Variants in FSIP1 observed in about 807,000 individuals in gnomAD.
The protein encoded by FSIP1 is fibrous sheath interacting protein 1.
Under a neutral mutation model 60.9 loss-of-function variants are expected in FSIP1, and 65 were observed. That is an observed-to-expected ratio of 1.07 (90% confidence interval 0.87 to 1.31). The LOEUF is 1.31. FSIP1 is among the 40% of genes most tolerant of loss of function. FSIP1 has a pLI of 0.00. For missense variants in FSIP1, 675 were observed against 665.5 expected (o/e 1.01, Z -0.16); for synonymous variants, 209 against 221.2 (o/e 0.94, Z 0.49).
chr15:39,711,168 CA>C (rs1412732290), intron 10 of FSIP1, among the ~76,000 whole-genome samples: 12 of 152,126 alleles, frequency 7.9e-5, no homozygotes, highest in African/African-American at 2.9e-4. Flanking sequence ...ATAAACAACA[CA>C]AATTTATTTC....
intron 11 of FSIP1, among the ~76,000 whole-genome samples, chr15:39,610,362 C>G (rs1890983060): frequency 6.6e-6 from 1 of 152,026 alleles, no homozygotes; most frequent in East Asian, 1.9e-4. Context: ...ATGAGTGCAC[C>G]AAGACAAATC....
chr15:39,638,828 G>A (rs944379699), intron 10 of FSIP1, among the ~76,000 whole-genome samples: 5 of 151,816 alleles, frequency 3.3e-5, no homozygotes, highest in Non-Finnish European at 5.9e-5. Flanking sequence ...GTGTGTGTGC[G>A]CGTGTGTGTG....
At chr15:39,718,430 A>AT (rs1281143941) in intron 9 of FSIP1, among the ~76,000 whole-genome samples, 2 of 150,670 alleles carry the variant, frequency 1.3e-5, no homozygotes, top group Non-Finnish European at 3.0e-5. Context: ...TATTTTTCTT[A>AT]TTTTTTTGTA....
chr15:39,619,220 T>C (rs1170574559), intron 10 of FSIP1, among the ~76,000 whole-genome samples: 1 of 152,222 alleles, frequency 6.6e-6, no homozygotes, highest in Non-Finnish European at 1.5e-5. Flanking sequence ...GATACTAGTA[T>C]AGTTAATTCT....
At chr15:39,670,191 ATG>A (rs1255593130) in intron 10 of FSIP1, among the ~76,000 whole-genome samples, 1 of 152,220 alleles carries the variant, frequency 6.6e-6, no homozygotes, top group Non-Finnish European at 1.5e-5. Context: ...TGAATCAGAT[ATG>A]CATAGAGCCC....
chr15:39,679,350 C>T (rs567644264), intron 10 of FSIP1, among the ~76,000 whole-genome samples: 22 of 152,290 alleles, frequency 1.4e-4, no homozygotes, highest in Non-Finnish European at 2.8e-4. Context: ...TGACCTGTTG[C>T]GCCGACAAAC....
chr15:39,644,008 A>G (rs1443912178), intron 10 of FSIP1, among the ~76,000 whole-genome samples: 1 of 152,244 alleles, frequency 6.6e-6, no homozygotes, highest in African/African-American at 2.4e-5. Flanking sequence ...ACCTAACGTC[A>G]TGAGGTTTAT....
rs749266099 is a variant in FSIP1 at position 39,770,624 on chromosome 15, CA to C, written c.127-15del. ...TGCAGTATCGACCTAAAAATAATTT[CA>C]AAAAAAAAACAGTTTCCGAAAATAC... On this transcript the variant is annotated splice_polypyrimidine_tract_variant and intron_variant, in intron 2 of 11. Coordinates refer to ENST00000350221, the MANE Select transcript of FSIP1 (RefSeq NM_152597.5). 591 of 1,377,884 alleles carry C rather than the reference CA, an allele frequency of 4.3e-4. No individual in the cohort carries two copies. Among genetic ancestry groups the C allele is most frequent in the South Asian group, 1.5e-3 (90 of 58,880 alleles). 85.4% of individuals were successfully genotyped at this position (1,377,884 alleles called of 1,614,324 possible). A position where few individuals can be genotyped will look rare whatever the true frequency, so the allele number is the denominator to read the frequency against.
intron 11 of FSIP1, among the ~76,000 whole-genome samples, chr15:39,606,558 C>T (rs1457508153): frequency 6.6e-6 from 1 of 152,080 alleles, no homozygotes; most frequent in Non-Finnish European, 1.5e-5. Context: ...GAACTTATTC[C>T]TCCTATAAAG....
chr15:39,632,840 G>A (rs72725079), intron 10 of FSIP1, among the ~76,000 whole-genome samples: 27,443 of 151,822 alleles, frequency 0.18, 2,987 homozygotes, highest in East Asian at 0.32. Flanking sequence ...AAAATAATGA[G>A]CAGCCTTTAT....
At chr15:39,720,308 C>A (rs1363140542) in intron 9 of FSIP1, among the ~76,000 whole-genome samples, 1 of 152,186 alleles carries the variant, frequency 6.6e-6, no homozygotes, top group Non-Finnish European at 1.5e-5. Flanking sequence ...ATACAAACTA[C>A]AATTTTCCTC....
chr15:39,703,202 G>A (rs905233889), intron 10 of FSIP1, among the ~76,000 whole-genome samples: 1 of 152,074 alleles, frequency 6.6e-6, no homozygotes, highest in Non-Finnish European at 1.5e-5. Context: ...GGCTGGTCTC[G>A]AACTCCCAAC....
Position 39,763,918 on chromosome 15 carries a change from A to G in FSIP1, c.466-4T>C. The G allele has an allele frequency of 6.7e-7, 1 of 1,487,782 alleles. No homozygotes were observed. The highest frequency in any genetic ancestry group is 1.4e-5 in the African/African-American group (1 of 71,568). The allele number at this position is 1,487,782 out of a possible 1,614,324, so 92.2% of individuals were successfully genotyped here. On this transcript the variant is annotated splice_polypyrimidine_tract_variant and splice_region_variant and intron_variant, in intron 4 of 11. Transcript: ENST00000350221. ...AAGCTTCACTATATTTTGCAGACTA[A>G]TGAAAGGAAAATTAAAATTTAAACA...
chr15:39,697,703 C>T (rs972532848), intron 10 of FSIP1, among the ~76,000 whole-genome samples: 1 of 152,210 alleles, frequency 6.6e-6, no homozygotes, highest in African/African-American at 2.4e-5. Flanking sequence ...AATAATTCTA[C>T]AAAGACACAC....
chr15:39,734,800 C>T (rs1384977572), intron 8 of FSIP1, among the ~76,000 whole-genome samples: 1 of 151,830 alleles, frequency 6.6e-6, no homozygotes, highest in African/African-American at 2.4e-5. Context: ...TAAATATGCT[C>T]ATATTGATAA....
chr15:39,651,576 G>A lies in FSIP1; in HGVS notation c.1189-33331C>T, dbSNP rs142853804. The stretch of plus-strand genomic sequence containing the variant: ...GGGCTTATTTCATAGAGTTGTCCTG[G>A]GTGTTCAAAAAAATAATGTATTCAA... On this transcript the variant is annotated intron_variant, in intron 10 of 11. Coordinates refer to ENST00000350221, the MANE Select transcript of FSIP1 (RefSeq NM_152597.5). 3.3e-4 allele frequency among the ~76,000 whole-genome samples: 50 copies of A among 152,072 alleles called. No homozygotes were observed. In the East Asian group the frequency reaches 8.3e-3, roughly 25 times the overall value.
At chr15:39,601,129 T>C (rs555948124) in intron 11 of FSIP1, among the ~76,000 whole-genome samples, 4 of 152,254 alleles carry the variant, frequency 2.6e-5, no homozygotes, top group Admixed American at 6.5e-5. Flanking sequence ...CCTACTCTCA[T>C]TGAGCTTACA....
chr15:39,702,239 T>G (rs2664132), intron 10 of FSIP1, among the ~76,000 whole-genome samples: 94,339 of 149,060 alleles, frequency 0.63, 32,505 homozygotes, highest in Non-Finnish European at 0.75. Context: ...TGTCTTGGGC[T>G]CTGTTTCCTG....
At chr15:39,758,734 A>G (rs1897383997) in intron 5 of FSIP1, among the ~76,000 whole-genome samples, 1 of 151,966 alleles carries the variant, frequency 6.6e-6, no homozygotes, top group African/African-American at 2.4e-5. Context: ...CTAAACTCAG[A>G]AAAAAAATAG....
Sources: allele counts gnomAD v4.1 joint callset (sites outside exome capture counted in the v4.1 genomes callset), GRCh38; gene constraint gnomAD v4.1.1; transcripts MANE v1.5; gene names NCBI Gene and HGNC (gene_info 2026-07-23, HGNC 2026-07-21).